ATAD2: variants seen among roughly 807,000 people sequenced by gnomAD.
ATAD2 encodes ATPase family AAA domain containing 2, also known as ATPase family AAA domain-containing protein 2.
ATAD2 carries 62 observed loss-of-function variants against 168.9 expected under a neutral mutation model. The ratio of observed to expected loss-of-function variants is 0.37; its 90% CI spans 0.30 to 0.45. The LOEUF is 0.45. ATAD2 is among the 20% of genes least tolerant of loss of function. ATAD2 has a pLI of 1.00. For missense variants in ATAD2, 1,419 were observed against 1,667.8 expected (o/e 0.85, Z 2.60); for synonymous variants, 613 against 571.6 (o/e 1.07, Z -1.03).
chr8:123,371,574 T>C, intron 4 of ATAD2, 96 bp downstream of exon 4: 1 of 1,094,636 alleles, frequency 9.1e-7, no homozygotes, highest in Non-Finnish European at 1.3e-6. Context: ...CGTAGTAGAA[T>C]GCATTAAATG....
rs1827669936 is a variant in ATAD2, at chr8:123,328,355, T to C, written c.3703A>G (p.Ser1235Gly). The change falls in exon 25 of 28, where the codon AGC becomes GGC. Residue 1235 changes from serine to glycine, a missense_variant. Ser to Gly is a moderately conservative substitution (Grantham distance 56). Around this residue, in one of 5 missense-constraint regions of ATAD2, gnomAD observed 303 missense variants for 304.3 expected, o/e 1.00. Coordinates refer to ENST00000287394, the MANE Select transcript of ATAD2 (RefSeq NM_014109.4). Reference protein sequence around the residue: ...ENEKQQNASESKLELRNNSNT... With the variant: ...ENEKQQNASEGKLELRNNSNT... The stretch of plus-strand genomic sequence containing the variant: ...GAATTATTTCTCAATTCCAGTTTGC[T>C]TTCAGAGGCATTTTGCTGTTTTTCA... 1 of 1,605,866 alleles carries C rather than the reference T, an allele frequency of 6.2e-7. No homozygotes were observed. Among genetic ancestry groups the C allele is most frequent in the South Asian group, 1.1e-5 (1 of 88,128 alleles).
chr8:123,389,236 A>T (rs1461333519), intron 1 of ATAD2, among the ~76,000 whole-genome samples: 1 of 137,820 alleles, frequency 7.3e-6, no homozygotes, highest in African/African-American at 2.7e-5. Context: ...TTGGCCTCCC[A>T]AAGTGCTGGG....
chr8:123,370,300 A>T (rs1353864474), intron 6 of ATAD2, among the ~76,000 whole-genome samples: 2 of 152,144 alleles, frequency 1.3e-5, no homozygotes, highest in Non-Finnish European at 2.9e-5. Context: ...AGCAAGCACC[A>T]AACTAAAATT....
upstream of ATAD2, chr8:123,401,294 AT>A: frequency 1.7e-6 from 2 of 1,208,936 alleles, no homozygotes; most frequent in Non-Finnish European, 1.2e-6. Context: ...AAGGATTCCC[AT>A]GAGCAGCTGC....
At position 123,320,821 on chromosome 8, in the gene ATAD2, C is replaced by T; in HGVS notation, c.*313G>A. On this transcript the variant is annotated 3_prime_UTR_variant, in exon 28 of 28. Transcript: ENST00000287394. ...TGCTTAATACAAACAAAATTTAACG[C>T]TGCTAATTATTCTTAAGTGCCATAA... The T allele has an allele frequency of 3.9e-6, 1 of 255,864 alleles. No individual in the cohort carries two copies. Among genetic ancestry groups the T allele is most frequent in the East Asian group, 8.7e-5 (1 of 11,446 alleles). 15.8% of individuals were successfully genotyped at this position (255,864 alleles called of 1,614,324 possible). A position where few individuals can be genotyped will look rare whatever the true frequency, so the allele number is the denominator to read the frequency against.
intron 2 of ATAD2, among the ~76,000 whole-genome samples, chr8:123,376,247 A>T (rs1829304267): frequency 6.6e-6 from 1 of 151,862 alleles, no homozygotes; most frequent in Admixed American, 6.6e-5. Flanking sequence ...CTCTACTAAA[A>T]ATAGAAAAAT....
At chr8:123,392,939 C>T (rs1812654682) in intron 1 of ATAD2, among the ~76,000 whole-genome samples, 1 of 152,160 alleles carries the variant, frequency 6.6e-6, no homozygotes, top group African/African-American at 2.4e-5. Flanking sequence ...AATCCCAGCA[C>T]TTTGGGAGGC....
intron 1 of ATAD2, among the ~76,000 whole-genome samples, chr8:123,391,554 TTAAATGAA>T (rs1471389608): frequency 7.7e-6 from 1 of 129,586 alleles, no homozygotes; most frequent in East Asian, 2.2e-4. Flanking sequence ...AGTTAATGAA[TTAAATGAA>T]TAAATGTAAC....
chr8:123,398,639 G>GT (rs796726635), upstream of ATAD2, among the ~76,000 whole-genome samples: 11 of 152,122 alleles, frequency 7.2e-5, no homozygotes, highest in African/African-American at 2.4e-4. Context: ...AGCCTCCCTA[G>GT]TAGCTGGGAC....
chr8:123,416,005 T>C (rs1813266041), intron 1 of ATAD2, among the ~76,000 whole-genome samples: 1 of 152,188 alleles, frequency 6.6e-6, no homozygotes, highest in Non-Finnish European at 1.5e-5. Context: ...CTTTTTTTTT[T>C]CAAATTTACT....
chr8:123,341,138 G>C (rs1586865351), intron 19 of ATAD2, among the ~76,000 whole-genome samples: 1 of 151,840 alleles, frequency 6.6e-6, no homozygotes, highest in South Asian at 2.1e-4. Flanking sequence ...GTAATTCCTA[G>C]TCCCTGGCCC....
intron 1 of ATAD2, among the ~76,000 whole-genome samples, chr8:123,391,598 G>C (rs1238555): frequency 6.8e-6 from 1 of 147,910 alleles, no homozygotes; most frequent in Non-Finnish European, 1.5e-5. Context: ...CCTAGCCTAA[G>C]AAATGCTCTG....
intron 24 of ATAD2, among the ~76,000 whole-genome samples, chr8:123,329,746 CAAAAAAAAA>C (rs68104102): frequency 2.4e-5 from 2 of 84,384 alleles, no homozygotes; most frequent in African/African-American, 5.0e-5. Context: ...AACTCCGTCT[CAAAAAAAAA>C]AAAAAAAAAA....
chr8:123,370,413 C>T (rs1401125074), intron 6 of ATAD2, among the ~76,000 whole-genome samples: 1 of 152,042 alleles, frequency 6.6e-6, no homozygotes, highest in East Asian at 1.9e-4. Flanking sequence ...TAAGCTTTTG[C>T]TTTCTAAACT....
upstream of ATAD2, chr8:123,401,217 C>T (rs80058485): frequency 5.5e-3 from 5,008 of 905,924 alleles, 169 homozygotes; most frequent in African/African-American, 0.07. Context: ...TCGTCAATGA[C>T]GATGATGAGC....
chr8:123,354,522 A>G (rs1192136831), intron 13 of ATAD2, among the ~76,000 whole-genome samples: 1 of 151,930 alleles, frequency 6.6e-6, no homozygotes, highest in Non-Finnish European at 1.5e-5. Context: ...CTTGGCCAAC[A>G]TGGCGAAACC....
chr8:123,377,869 A>T (rs1057212932), intron 2 of ATAD2, among the ~76,000 whole-genome samples: 1 of 152,236 alleles, frequency 6.6e-6, no homozygotes, highest in Non-Finnish European at 1.5e-5. Flanking sequence ...AGATAACTAA[A>T]GTAGTACTAC....
rs535027558 is a variant in ATAD2 at position 123,373,589 on chromosome 8, C to A, written c.321-903G>T. ...GGATCATGAGGTCAGGAAATCGAGA[C>A]CATCCTGGCTAACAGGGTGAAACCC... On this transcript the variant is annotated intron_variant, in intron 2 of 27. Transcript: ENST00000287394. Among the ~76,000 whole-genome samples the A allele has an allele frequency of 6.6e-5, 10 of 151,816 alleles. No individual in the cohort carries two copies. In the East Asian group the frequency reaches 1.8e-3, roughly 27 times the overall value.
At chr8:123,405,284 T>G (rs1813054461) in intron 1 of ATAD2, among the ~76,000 whole-genome samples, 1 of 149,444 alleles carries the variant, frequency 6.7e-6, no homozygotes. Flanking sequence ...GAGACGCAGT[T>G]TTGCTCTTGT....
Sources: gnomAD v4.1 joint callset for allele counts (sites outside exome capture counted in the v4.1 genomes callset) on GRCh38, gnomAD v4.1.1 for gene constraint, gnomAD v4.1.1 regional missense constraint, MANE v1.5 for transcripts, NCBI Gene and HGNC (gene_info 2026-07-23, HGNC 2026-07-21) for gene names.